The following GRK5 variants were observed in gnomAD, a reference collection of about 807,000 sequenced individuals.
GRK5 encodes the protein g protein-coupled receptor kinase GRK5.
In GRK5, 40 loss-of-function variants were observed where a neutral mutation model predicts 78.4. The ratio of observed to expected loss-of-function variants is 0.51; its 90% CI spans 0.40 to 0.66. The LOEUF is 0.66. Ranked by LOEUF, GRK5 falls within the 30% of genes least tolerant of loss-of-function variation. The pLI is 0.00. For synonymous variants in GRK5, 289 were observed against 296.8 expected, an observed-to-expected ratio of 0.97 and a Z score of 0.27; for missense variants, 598 against 759.9, an observed-to-expected ratio of 0.79 and a Z score of 2.50.
At chr10:119,319,701 G>T (rs2133753624) in intron 1 of GRK5, among the ~76,000 whole-genome samples, 1 of 152,366 alleles carries the variant, frequency 6.6e-6, no homozygotes, top group South Asian at 2.1e-4. Context: ...GGAAATAGCG[G>T]TGAGCCAGTG....
At chr10:119,262,124 G>C (rs547429942) in intron 1 of GRK5, among the ~76,000 whole-genome samples, 11 of 152,012 alleles carry the variant, frequency 7.2e-5, no homozygotes, top group Non-Finnish European at 1.2e-4. Context: ...TCAGATGTAC[G>C]TGTGTGAGTT....
At chr10:119,370,548 A>G (rs1021493122) in intron 2 of GRK5, among the ~76,000 whole-genome samples, 5 of 152,202 alleles carry the variant, frequency 3.3e-5, no homozygotes, top group African/African-American at 9.6e-5. Context: ...TGCTAACCAC[A>G]TACCAAATGT....
intron 2 of GRK5, among the ~76,000 whole-genome samples, chr10:119,343,167 G>A (rs1851013067): frequency 6.6e-6 from 1 of 152,228 alleles, no homozygotes; most frequent in Admixed American, 6.5e-5. Flanking sequence ...AAGGCGGGTG[G>A]CTGCCAAGGT....
intron 1 of GRK5, among the ~76,000 whole-genome samples, chr10:119,283,327 T>C (rs1467345490): frequency 6.6e-6 from 1 of 152,152 alleles, no homozygotes; most frequent in Non-Finnish European, 1.5e-5. Flanking sequence ...ATGGTCACAT[T>C]TGGAGATGAG....
chr10:119,441,065 G>T (rs905185312), intron 10 of GRK5, among the ~76,000 whole-genome samples: 3 of 152,230 alleles, frequency 2.0e-5, no homozygotes, highest in Non-Finnish European at 2.9e-5. Flanking sequence ...AAACCGGGTC[G>T]CTGATGACCT....
intron 1 of GRK5, among the ~76,000 whole-genome samples, chr10:119,223,890 A>C (rs1564854005): frequency 6.6e-6 from 1 of 151,940 alleles, no homozygotes; most frequent in Non-Finnish European, 1.5e-5. Context: ...ATGTTAACCC[A>C]TTAGGTCCTG....
At chr10:119,433,200 C>T (rs1589807823) in intron 8 of GRK5, among the ~76,000 whole-genome samples, 1 of 152,206 alleles carries the variant, frequency 6.6e-6, no homozygotes, top group Non-Finnish European at 1.5e-5. Context: ...CAGGTGTGGG[C>T]AGTGCCATGG....
chr10:119,350,902 C>A (rs530055564), intron 2 of GRK5, among the ~76,000 whole-genome samples: 2 of 152,294 alleles, frequency 1.3e-5, no homozygotes, highest in Admixed American at 1.3e-4. Flanking sequence ...GGCCTGCTGT[C>A]CAGGTCTCTG....
At chr10:119,390,729 G>A (rs189138325) in intron 3 of GRK5, among the ~76,000 whole-genome samples, 1 of 152,146 alleles carries the variant, frequency 6.6e-6, no homozygotes, top group East Asian at 1.9e-4. Flanking sequence ...ATCAGATCTC[G>A]TGAGACTTAT....
Position 119,449,038 on chromosome 10 carries a change from C to A in GRK5, c.1404+778C>A, listed in dbSNP as rs188217584. ...CTCCTGCCACGCTCCCGCGGATGAC[C>A]CCTTGCTGGCAGGGGGACTGGGCCG... is the stretch of plus-strand genomic sequence containing the variant. On this transcript the variant is annotated intron_variant, in intron 13 of 15. Coordinates refer to ENST00000392870, the MANE Select transcript of GRK5 (RefSeq NM_005308.3). 2.6e-3 allele frequency among the ~76,000 whole-genome samples: 399 copies of A among 150,752 alleles called. 2 individuals carry two copies. The highest frequency in any genetic ancestry group is 8.6e-3 in the African/African-American group (357 of 41,486).
At chr10:119,283,285 G>T (rs75102519) in intron 1 of GRK5, among the ~76,000 whole-genome samples, 1,574 of 152,246 alleles carry the variant, frequency 0.01, 27 homozygotes, top group African/African-American at 0.036. Context: ...CCTGTGATGG[G>T]ACGGGAGTGT....
At chr10:119,334,692 T>C (rs1160485792) in intron 2 of GRK5, 1 of 152,194 alleles carries the variant, frequency 6.6e-6, no homozygotes, top group Non-Finnish European at 1.5e-5. Flanking sequence ...TACTTTATTC[T>C]TTCATTAAAA....
intron 1 of GRK5, among the ~76,000 whole-genome samples, chr10:119,254,879 AC>A (rs553989176): frequency 5.4e-4 from 82 of 152,050 alleles, no homozygotes; most frequent in Admixed American, 8.5e-4. Flanking sequence ...ATGTGGTGAA[AC>A]CCCATCTCTA....
intron 3 of GRK5, among the ~76,000 whole-genome samples, chr10:119,389,250 G>A (rs1010972564): frequency 2.6e-5 from 4 of 152,236 alleles, no homozygotes; most frequent in African/African-American, 4.8e-5. Flanking sequence ...GGCTTTAGAT[G>A]TGCCTGACCA....
intron 4 of GRK5, among the ~76,000 whole-genome samples, chr10:119,414,606 A>G (rs1003215658): frequency 6.6e-6 from 1 of 152,166 alleles, no homozygotes; most frequent in Admixed American, 6.5e-5. Context: ...CCTAGGTTTG[A>G]ATCCTGTCTT....
At chr10:119,407,814 A>T (rs1051255887) in intron 4 of GRK5, among the ~76,000 whole-genome samples, 1 of 152,098 alleles carries the variant, frequency 6.6e-6, no homozygotes, top group Non-Finnish European at 1.5e-5. Flanking sequence ...ACTTGAGGCC[A>T]GGAGTTTGAG....
At chr10:119,442,137 C>A in intron 11 of GRK5, 49 bp downstream of exon 11, 2 of 1,500,986 alleles carry the variant, frequency 1.3e-6, no homozygotes, top group South Asian at 1.1e-5. Context: ...CCACCACCTG[C>A]TCACCGCCGG....
intron 1 of GRK5, among the ~76,000 whole-genome samples, chr10:119,305,737 C>T (rs1223654897): frequency 6.6e-6 from 1 of 152,202 alleles, no homozygotes; most frequent in Non-Finnish European, 1.5e-5. Context: ...CCTGGAAGAC[C>T]TAACCTACGT....
intron 1 of GRK5, among the ~76,000 whole-genome samples, chr10:119,279,590 T>A (rs1849726345): frequency 6.6e-6 from 1 of 152,176 alleles, no homozygotes; most frequent in African/African-American, 2.4e-5. Context: ...TTCCTGTTGA[T>A]GGTGTGTCCT....
Sources: allele counts gnomAD v4.1 joint callset (sites outside exome capture counted in the v4.1 genomes callset), GRCh38; gene constraint gnomAD v4.1.1; transcripts MANE v1.5; gene names NCBI Gene and HGNC (gene_info 2026-07-23, HGNC 2026-07-21).